CAST: variants seen among roughly 807,000 people sequenced by gnomAD.
CAST encodes the protein MIR583 host.
A neutral mutation model predicts 119.6 loss-of-function variants in CAST; 76 were observed. That is an observed-to-expected ratio of 0.64 (90% CI 0.53 to 0.77). The LOEUF (loss-of-function observed/expected upper bound fraction) is 0.77, where lower values mean the gene tolerates loss of function less well. Ranked by LOEUF, CAST falls within the 30% of genes least tolerant of loss-of-function variation. The probability of loss-of-function intolerance (pLI) is 0.00; values close to 1 mark genes in which losing one functional copy is unlikely to be tolerated. For synonymous variants in CAST, 319 were observed against 331.6 expected, an observed-to-expected ratio of 0.96 and a Z score of 0.41; for missense variants, 953 against 946.5, an observed-to-expected ratio of 1.01 and a Z score of -0.09.
At chr5:96,409,684 C>G in the CAST span, among the ~76,000 whole-genome samples, 1 of 152,202 alleles carries the variant, frequency 6.6e-6, no homozygotes, top group South Asian at 2.1e-4. Context: ...ATGACAACAG[C>G]CAGGGGCTCT....
chr5:96,622,451 G>C (rs1747630720), intron 1 of CAST, among the ~76,000 whole-genome samples: 1 of 152,210 alleles, frequency 6.6e-6, no homozygotes, highest in Non-Finnish European at 1.5e-5. Flanking sequence ...GAGAAAGAGA[G>C]AATGCATGTA....
chr5:96,028,376 T>C, the CAST span, among the ~76,000 whole-genome samples: 3 of 152,066 alleles, frequency 2.0e-5, no homozygotes, highest in Non-Finnish European at 4.4e-5. Flanking sequence ...TAAAGAATAA[T>C]ATTTTCAGAC....
At chr5:96,224,967 G>T in the CAST span, among the ~76,000 whole-genome samples, 3 of 152,176 alleles carry the variant, frequency 2.0e-5, no homozygotes, top group African/African-American at 4.8e-5. Context: ...TGTTCTAATT[G>T]TCCAGACCTA....
At chr5:95,980,482 C>CT in the CAST span, 1 of 152,140 alleles carries the variant, frequency 6.6e-6, no homozygotes, top group Non-Finnish European at 1.5e-5. Flanking sequence ...GTAGCACTGG[C>CT]TACATCACTT....
chr5:96,264,610 T>A, the CAST span, among the ~76,000 whole-genome samples: 2 of 152,182 alleles, frequency 1.3e-5, no homozygotes, highest in Non-Finnish European at 2.9e-5. Context: ...AGTTTTATTG[T>A]GTGTAGTGCT....
the CAST span, among the ~76,000 whole-genome samples, chr5:96,301,579 G>A: frequency 1.3e-5 from 2 of 152,140 alleles, no homozygotes; most frequent in East Asian, 3.9e-4. Context: ...TACAATGGGG[G>A]TACAGGCATT....
At chr5:96,003,827 C>T in the CAST span, among the ~76,000 whole-genome samples, 1 of 152,166 alleles carries the variant, frequency 6.6e-6, no homozygotes, top group African/African-American at 2.4e-5. Context: ...TTGTATAGAA[C>T]ATTTTCAATT....
the CAST span, among the ~76,000 whole-genome samples, chr5:96,017,525 C>G: frequency 2.0e-5 from 3 of 152,278 alleles, no homozygotes; most frequent in East Asian, 3.9e-4. Context: ...TTCAGTTAAA[C>G]TTTCAAATAT....
chr5:96,561,555 G>A (rs1384934495), intron 1 of CAST, among the ~76,000 whole-genome samples: 1 of 151,218 alleles, frequency 6.6e-6, no homozygotes, highest in African/African-American at 2.4e-5. Flanking sequence ...ACACACCGGG[G>A]CCTGTTGGGG....
chr5:96,676,460 T>C (rs1254350669), intron 2 of CAST, among the ~76,000 whole-genome samples: 1 of 152,192 alleles, frequency 6.6e-6, no homozygotes, highest in East Asian at 1.9e-4. Flanking sequence ...AGTTTCAAAA[T>C]AGTCAATATG....
chr5:96,428,967 T>A, the CAST span, among the ~76,000 whole-genome samples: 1 of 152,162 alleles, frequency 6.6e-6, no homozygotes, highest in Non-Finnish European at 1.5e-5. Context: ...GATATATATG[T>A]AATTATATAA....
the CAST span, among the ~76,000 whole-genome samples, chr5:96,098,792 C>G: frequency 6.6e-6 from 1 of 152,034 alleles, no homozygotes; most frequent in East Asian, 1.9e-4. Flanking sequence ...CTTAGGATTG[C>G]CTTGGCTATT....
the CAST span, among the ~76,000 whole-genome samples, chr5:96,348,120 A>T: frequency 1.3e-5 from 2 of 152,164 alleles, no homozygotes; most frequent in East Asian, 3.8e-4. Flanking sequence ...CATCGGATGT[A>T]GTATCATGGA....
chr5:95,975,570 GT>G, the CAST span, among the ~76,000 whole-genome samples: 6 of 152,216 alleles, frequency 3.9e-5, no homozygotes, highest in Non-Finnish European at 5.9e-5. Flanking sequence ...ACAAGTAAGT[GT>G]TGTGAAATTC....
chr5:95,968,925 A>G, the CAST span, among the ~76,000 whole-genome samples: 2 of 152,212 alleles, frequency 1.3e-5, no homozygotes, highest in Admixed American at 6.5e-5. Context: ...GAGAAGCACT[A>G]TGCAGGGACT....
the CAST span, among the ~76,000 whole-genome samples, chr5:96,327,632 G>T: frequency 6.6e-6 from 1 of 152,204 alleles, no homozygotes; most frequent in East Asian, 1.9e-4. Context: ...AAGTTTTCAA[G>T]ACACTTAGAG....
chr5:96,376,946 A>G, the CAST span, among the ~76,000 whole-genome samples: 313 of 152,280 alleles, frequency 2.1e-3, 2 homozygotes, highest in African/African-American at 7.3e-3. Flanking sequence ...AGTGATATTG[A>G]TAATCCTGAT....
chr5:96,009,462 T>C, the CAST span, among the ~76,000 whole-genome samples: 7 of 152,182 alleles, frequency 4.6e-5, no homozygotes, highest in Non-Finnish European at 8.8e-5. Context: ...CCATCATCTG[T>C]TATTTTTTGA....
intron 1 of CAST, among the ~76,000 whole-genome samples, chr5:96,625,827 C>T (rs1302766243): frequency 6.6e-6 from 1 of 152,166 alleles, no homozygotes; most frequent in Non-Finnish European, 1.5e-5. Flanking sequence ...TGTCTGCTGC[C>T]TGTCACCGGC....
Sources: allele counts gnomAD v4.1 joint callset (sites outside exome capture counted in the v4.1 genomes callset), GRCh38; gene constraint gnomAD v4.1.1; transcripts MANE v1.5; gene names NCBI Gene and HGNC (gene_info 2026-07-23, HGNC 2026-07-21).